The following TLN2 variants were observed in gnomAD, a reference collection of about 807,000 sequenced individuals.
The protein encoded by TLN2 is talin 2.
Under a neutral mutation model 294.7 loss-of-function variants are expected in TLN2, and 118 were observed. The ratio of observed to expected loss-of-function variants is 0.40; its 90% confidence interval spans 0.34 to 0.47. TLN2 has a LOEUF of 0.47. Among genes scored for constraint, TLN2 ranks in the 20% least tolerant of loss-of-function variants. The probability of loss-of-function intolerance (pLI) is 0.84; values close to 1 mark genes in which losing one functional copy is unlikely to be tolerated. For missense variants in TLN2, 3,083 were observed against 3,282.2 expected (o/e 0.94, Z 1.48); for synonymous variants, 1,431 against 1,304.5 (o/e 1.10, Z -2.09).
rs142418826 is a variant in TLN2 at position 62,801,379 on chromosome 15, A to G, written c.6477+610A>G. Reference sequence around the variant, plus strand: ...TATCTGCTGTTCTTATGATCCCACAATGGTTGTGGATTGGCTCATTCTAAT... The same window carrying G: ...TATCTGCTGTTCTTATGATCCCACAGTGGTTGTGGATTGGCTCATTCTAAT... On this transcript the variant is annotated intron_variant, in intron 50 of 58. Transcript: ENST00000636159. Among the ~76,000 whole-genome samples the G allele has an allele frequency of 4.6e-4, 70 of 152,320 alleles. No homozygotes were observed. In the East Asian group the frequency reaches 0.013, roughly 28 times the overall value.
At chr15:62,621,300 T>A (rs1260731844) in intron 3 of TLN2, among the ~76,000 whole-genome samples, 2 of 152,224 alleles carry the variant, frequency 1.3e-5, no homozygotes, top group African/African-American at 4.8e-5. Context: ...TGTATGGCTG[T>A]GTCCTTTGGA....
intron 1 of TLN2, among the ~76,000 whole-genome samples, chr15:62,399,139 G>A (rs1053911917): frequency 1.3e-5 from 2 of 151,642 alleles, no homozygotes; most frequent in Admixed American, 1.3e-4. Flanking sequence ...CTGCAGGCGT[G>A]CAGAAGACAA....
chr15:62,709,158 C>G (rs1411848943), intron 21 of TLN2, among the ~76,000 whole-genome samples: 1 of 152,164 alleles, frequency 6.6e-6, no homozygotes, highest in African/African-American at 2.4e-5. Flanking sequence ...ATTATACTTG[C>G]ATGTCCCCTG....
intron 1 of TLN2, among the ~76,000 whole-genome samples, chr15:62,457,863 T>C (rs1282417196): frequency 2.6e-5 from 4 of 152,242 alleles, no homozygotes; most frequent in Non-Finnish European, 5.9e-5. Context: ...CACCTCCTGC[T>C]GTGAGCACCT....
In TLN2 at chr15:62,750,427, C is replaced by T. The variant is rs375428767; in HGVS notation, c.4145C>T (p.Pro1382Leu). 1 of 1,614,200 alleles carries T rather than the reference C, an allele frequency of 6.2e-7. No homozygotes were observed. ...LETVKGMLDN[P>L]NEPVSDLSYF... ...ACTGTGAAGGGGATGTTGGACAATC[C>T]TAATGAACCTGTTAGTGACCTCTCT... The change falls in exon 34 of 59, where the codon CCT becomes CTT. Residue 1382 changes from proline (P) to leucine (L), a missense_variant. Coordinates refer to ENST00000636159, the MANE Select transcript of TLN2 (RefSeq NM_015059.3).
At chr15:62,419,233 TAAAA>T (rs2034252897) in intron 1 of TLN2, among the ~76,000 whole-genome samples, 2 of 152,236 alleles carry the variant, frequency 1.3e-5, no homozygotes, top group African/African-American at 4.8e-5. Flanking sequence ...TTGAGTTAAA[TAAAA>T]TATATTATTA....
Position 62,835,931 on chromosome 15 carries a change from C to T in TLN2, c.7232C>T (p.Ala2411Val), listed in dbSNP as rs1017374120. ...VAAATSSLCE[A>V]ANASVQGHAS... The stretch of plus-strand genomic sequence containing the variant: ...GCTGCGACCAGCAGTCTCTGTGAGG[C>T]GGCCAATGCCTCCGTTCAGGGACAC... The change falls in exon 57 of 59, where the codon GCG (alanine) becomes GTG (valine). Residue 2411 changes from alanine (A) to valine (V), a missense_variant. Coordinates refer to ENST00000636159, the MANE Select transcript of TLN2 (RefSeq NM_015059.3). 1.9e-5 allele frequency: 31 copies of T among 1,614,198 alleles called. No individual in the cohort carries two copies. Among genetic ancestry groups the T allele is most frequent in the African/African-American group, 6.7e-5 (5 of 75,054 alleles).
chr15:62,685,016 A>G (rs1038133183), intron 11 of TLN2, among the ~76,000 whole-genome samples: 26 of 151,684 alleles, frequency 1.7e-4, no homozygotes, highest in Admixed American at 3.9e-4. Flanking sequence ...GCTAGGTTTC[A>G]GCAAATATGA....
At chr15:62,502,070 A>T (rs373018434) in intron 1 of TLN2, among the ~76,000 whole-genome samples, 9 of 152,258 alleles carry the variant, frequency 5.9e-5, no homozygotes, top group African/African-American at 2.2e-4. Flanking sequence ...AACTAGTCAC[A>T]GGTGGCTCTA....
At chr15:62,774,401 C>A (rs2063555198) in intron 42 of TLN2, among the ~76,000 whole-genome samples, 2 of 152,104 alleles carry the variant, frequency 1.3e-5, no homozygotes, top group Non-Finnish European at 2.9e-5. Context: ...ACCGATGCCA[C>A]TTATGAGATT....
chr15:62,457,786 G>A (rs1357893763), intron 1 of TLN2, among the ~76,000 whole-genome samples: 2 of 152,204 alleles, frequency 1.3e-5, no homozygotes, highest in Non-Finnish European at 2.9e-5. Context: ...AGTCTTGGGG[G>A]CTGGATGGAG....
In TLN2 at chr15:62,792,687, G is replaced by T. The variant is rs1567616111; in HGVS notation, c.5783G>T (p.Cys1928Phe). 4.3e-6 allele frequency: 7 copies of T among 1,613,978 alleles called. No homozygotes were observed. The highest frequency in any genetic ancestry group is 5.9e-6 in the Non-Finnish European group (7 of 1,180,044). Residue 1928 changes from cysteine (C) to phenylalanine (F), a missense_variant, in exon 46 of 59, where the codon TGT (cysteine) becomes TTT (phenylalanine). Physicochemically the swap from Cys to Phe is radical, Grantham distance 205. Coordinates refer to ENST00000636159, the MANE Select transcript of TLN2 (RefSeq NM_015059.3). Reference sequence around the variant, plus strand: ...CGTGTGCAGGACCTGGGCCACGGCTGTATCTTCCTGGTGCAGAAGGCAGGG... The same window carrying T: ...CGTGTGCAGGACCTGGGCCACGGCTTTATCTTCCTGGTGCAGAAGGCAGGG... The part of the protein sequence containing the change: ...RTRVQDLGHG[C>F]IFLVQKAGAL...
chr15:62,653,043 G>T lies in TLN2; in HGVS notation c.365-119G>T, dbSNP rs1360329014. 4 of 769,108 alleles carry T rather than the reference G, an allele frequency of 5.2e-6. No homozygotes were observed. The East Asian group carries it at 1.2e-4, about 23-fold the overall frequency. The allele number at this position is 769,108 out of a possible 1,614,324, so 47.6% of individuals were successfully genotyped here. ...GGCCACCTCCCTGACCCTCATATTT[G>T]TAAGGCCGTTTCTGGTTCTTTGCCA... On this transcript the variant is annotated intron_variant, in intron 6 of 58. Coordinates refer to ENST00000636159, the MANE Select transcript of TLN2 (RefSeq NM_015059.3).
intron 22 of TLN2, among the ~76,000 whole-genome samples, chr15:62,714,219 T>A (rs1485208379): frequency 6.9e-6 from 1 of 144,026 alleles, no homozygotes; most frequent in Non-Finnish European, 1.5e-5. Flanking sequence ...CTTTTTTTTT[T>A]TGAGACAGAG....
intron 3 of TLN2, among the ~76,000 whole-genome samples, chr15:62,644,100 C>G (rs2051513479): frequency 6.6e-6 from 1 of 152,052 alleles, no homozygotes; most frequent in Non-Finnish European, 1.5e-5. Context: ...TGCTGGGCCA[C>G]CCCTCTCTTC....
At position 62,650,228 on chromosome 15, in the gene TLN2, G is replaced by T. The variant is rs898666416; in HGVS notation, c.234+47G>T. 3 of 1,593,156 alleles carry T rather than the reference G, an allele frequency of 1.9e-6. No individual in the cohort carries two copies. The African/African-American group carries it at 4.0e-5, about 21-fold the overall frequency. On this transcript the variant is annotated intron_variant, in intron 5 of 58. Transcript: ENST00000636159. Reference sequence around the variant, plus strand: ...TGTTTCTTCATCCCTTTGTCCCTGGGCCTTCTTCCATAGACGCCAACACGG... The same window carrying T: ...TGTTTCTTCATCCCTTTGTCCCTGGTCCTTCTTCCATAGACGCCAACACGG...
At chr15:62,761,887 T>A in intron 38 of TLN2, 66 bp downstream of exon 38, 2 of 1,599,000 alleles carry the variant, frequency 1.3e-6, no homozygotes, top group Non-Finnish European at 1.7e-6. Flanking sequence ...ACCAAATGAG[T>A]TACTAGTTAA....
intron 42 of TLN2, 94 bp from the exon 43 acceptor site, chr15:62,776,670 G>A: frequency 1.7e-6 from 2 of 1,188,816 alleles, no homozygotes; most frequent in Non-Finnish European, 1.1e-6. Flanking sequence ...CATTGTGGGG[G>A]TATGGTTTTA....
chr15:62,488,784 G>A (rs1240294463), intron 1 of TLN2, among the ~76,000 whole-genome samples: 1 of 152,166 alleles, frequency 6.6e-6, no homozygotes, highest in Non-Finnish European at 1.5e-5. Context: ...ATGTTCTGCT[G>A]AGTTGCTGAT....
Sources: gnomAD v4.1 joint callset for allele counts (sites outside exome capture counted in the v4.1 genomes callset) on GRCh38, gnomAD v4.1.1 for gene constraint, MANE v1.5 for transcripts, NCBI Gene and HGNC (gene_info 2026-07-23, HGNC 2026-07-21) for gene names.